ERBB4: variants seen among roughly 807,000 people sequenced by gnomAD.
The protein encoded by ERBB4 is erb-b2 receptor tyrosine kinase 4.
Under a neutral mutation model 158.0 loss-of-function variants are expected in ERBB4, and 42 were observed. The observed-to-expected ratio is 0.27, with a 90% confidence interval of 0.21 to 0.34. The LOEUF (loss-of-function observed/expected upper bound fraction) is 0.34, where lower values mean the gene tolerates loss of function less well. Among genes scored for constraint, ERBB4 ranks in the 10% least tolerant of loss-of-function variants. The pLI, the probability that ERBB4 is intolerant of heterozygous loss-of-function variation, is 1.00. For missense variants in ERBB4, 1,333 were observed against 1,624.1 expected (o/e 0.82, Z 3.08); for synonymous variants, 583 against 558.7 (o/e 1.04, Z -0.61).
chr2:211,948,189 C>T (rs746219579), intron 2 of ERBB4, among the ~76,000 whole-genome samples: 3 of 152,052 alleles, frequency 2.0e-5, no homozygotes, highest in Non-Finnish European at 2.9e-5. Flanking sequence ...GTAATCCCAG[C>T]ACTTCTGGAG....
intron 5 of ERBB4, among the ~76,000 whole-genome samples, chr2:211,728,791 T>C (rs1218766705): frequency 6.6e-6 from 1 of 151,894 alleles, no homozygotes; most frequent in African/African-American, 2.4e-5. Context: ...TTACTTTTTA[T>C]TTTTAACTCC....
chr2:212,536,732 C>T (rs1036842472), intron 1 of ERBB4, among the ~76,000 whole-genome samples: 4 of 152,134 alleles, frequency 2.6e-5, no homozygotes, highest in Non-Finnish European at 5.9e-5. Flanking sequence ...CAGTTAATAC[C>T]AAATTGCTGC....
chr2:212,186,276 C>A (rs573112784), intron 1 of ERBB4, among the ~76,000 whole-genome samples: 1 of 152,228 alleles, frequency 6.6e-6, no homozygotes, highest in East Asian at 1.9e-4. Flanking sequence ...AAGCAATCTC[C>A]GTTCTTGGCT....
intron 16 of ERBB4, among the ~76,000 whole-genome samples, chr2:211,639,426 T>C (rs1312464191): frequency 6.6e-6 from 1 of 152,184 alleles, no homozygotes; most frequent in Admixed American, 6.5e-5. Flanking sequence ...GTAATTTAAG[T>C]TTCATAATAG....
At chr2:212,020,717 C>T (rs2076630065) in intron 2 of ERBB4, among the ~76,000 whole-genome samples, 1 of 152,176 alleles carries the variant, frequency 6.6e-6, no homozygotes, top group South Asian at 2.1e-4. Flanking sequence ...AATTCTCAGC[C>T]TACTGCCTGT....
chr2:212,038,993 TG>T (rs1350726724), intron 2 of ERBB4, among the ~76,000 whole-genome samples: 3 of 152,114 alleles, frequency 2.0e-5, no homozygotes. Context: ...TCTGGCAAAT[TG>T]GTGGTTTGTG....
chr2:212,457,466 T>G (rs1448175119), intron 1 of ERBB4, among the ~76,000 whole-genome samples: 1 of 152,040 alleles, frequency 6.6e-6, no homozygotes, highest in Non-Finnish European at 1.5e-5. Flanking sequence ...CTCTCAGAAA[T>G]GGATAACCCC....
intron 1 of ERBB4, among the ~76,000 whole-genome samples, chr2:212,158,748 T>A (rs2081116297): frequency 6.6e-6 from 1 of 152,030 alleles, no homozygotes; most frequent in African/African-American, 2.4e-5. Context: ...CAGAGGCTCA[T>A]TAAATATCTG....
At chr2:211,858,076 A>T (rs1205887555) in intron 3 of ERBB4, among the ~76,000 whole-genome samples, 1 of 152,222 alleles carries the variant, frequency 6.6e-6, no homozygotes, top group African/African-American at 2.4e-5. Flanking sequence ...ACTCATAGAC[A>T]AAGCTGCAGT....
chr2:212,356,461 T>C (rs1183068760), intron 1 of ERBB4, among the ~76,000 whole-genome samples: 1 of 151,960 alleles, frequency 6.6e-6, no homozygotes, highest in Non-Finnish European at 1.5e-5. Flanking sequence ...GCATAATTTG[T>C]TTTTCTCAGC....
intron 1 of ERBB4, among the ~76,000 whole-genome samples, chr2:212,424,623 G>A (rs920711416): frequency 6.6e-6 from 1 of 151,982 alleles, no homozygotes; most frequent in Non-Finnish European, 1.5e-5. Flanking sequence ...TGTCTTACTG[G>A]AGCAATGAAT....
At chr2:211,505,475 G>T (rs1469802782) in intron 20 of ERBB4, among the ~76,000 whole-genome samples, 1 of 147,736 alleles carries the variant, frequency 6.8e-6, no homozygotes, top group African/African-American at 2.5e-5. Context: ...ACACGAAAAT[G>T]AAAGAATGAT....
chr2:211,623,907 T>C lies in ERBB4; in HGVS notation c.2202+15A>G, dbSNP rs77836647. On this transcript the variant is annotated intron_variant, in intron 18 of 27. Transcript: ENST00000342788. ...AACAAAACTTAACTAACGATATGCGTTGTTTTTTACTTACTTTATAAACCG... is the reference window on the plus strand; with the variant it reads ...AACAAAACTTAACTAACGATATGCGCTGTTTTTTACTTACTTTATAAACCG... 7,018 of 1,613,678 alleles carry C rather than the reference T, an allele frequency of 4.3e-3. 266 individuals are homozygous for C. The African/African-American group carries it at 0.083, about 19-fold the overall frequency.
chr2:212,304,815 TA>T (rs928146809), intron 1 of ERBB4, among the ~76,000 whole-genome samples: 1 of 151,408 alleles, frequency 6.6e-6, no homozygotes. Flanking sequence ...AAACCTACAA[TA>T]AAAAAACAGT....
At chr2:211,939,032 TA>T (rs2080409835) in intron 3 of ERBB4, among the ~76,000 whole-genome samples, 1 of 152,142 alleles carries the variant, frequency 6.6e-6, no homozygotes. Context: ...GTATTTACAA[TA>T]TTGTTGTATT....
At position 212,444,925 on chromosome 2, in the gene ERBB4, T is replaced by G. The variant is rs1483671733; in HGVS notation, c.82+93524A>C. 2.6e-5 allele frequency among the ~76,000 whole-genome samples: 4 copies of G among 151,742 alleles called. No homozygotes were observed. In the East Asian group the frequency reaches 7.7e-4, roughly 29 times the overall value. Reference sequence around the variant, plus strand: ...CTGGAATAGACACTTACTCCAAATATGGGTTTGCCTATCTTGCATGCCATT... The same window carrying G: ...CTGGAATAGACACTTACTCCAAATAGGGGTTTGCCTATCTTGCATGCCATT... On this transcript the variant is annotated intron_variant, in intron 1 of 27. Coordinates refer to ENST00000342788, the MANE Select transcript of ERBB4 (RefSeq NM_005235.3).
intron 1 of ERBB4, among the ~76,000 whole-genome samples, chr2:212,202,788 G>C (rs932258579): frequency 6.6e-6 from 1 of 152,122 alleles, no homozygotes; most frequent in South Asian, 2.1e-4. Context: ...TCAGAAATCT[G>C]ATTCTGAAAC....
At chr2:212,347,523 C>G (rs558158791) in intron 1 of ERBB4, among the ~76,000 whole-genome samples, 13 of 152,206 alleles carry the variant, frequency 8.5e-5, no homozygotes, top group African/African-American at 2.9e-4. Context: ...TTATACAACT[C>G]TTTCCTTTCA....
At chr2:212,407,521 T>G (rs1366718850) in intron 1 of ERBB4, among the ~76,000 whole-genome samples, 2 of 152,110 alleles carry the variant, frequency 1.3e-5, no homozygotes, top group African/African-American at 4.8e-5. Flanking sequence ...GACTTCAAAA[T>G]GCATGTTCTT....
Sources: gnomAD v4.1 joint callset for allele counts (sites outside exome capture counted in the v4.1 genomes callset) on GRCh38, gnomAD v4.1.1 for gene constraint, MANE v1.5 for transcripts, NCBI Gene and HGNC (gene_info 2026-07-23, HGNC 2026-07-21) for gene names.